The following OR2M3 variants were observed in gnomAD, a reference collection of about 807,000 sequenced individuals.
OR2M3 encodes the protein olfactory receptor family 2 subfamily M member 3.
Under a neutral mutation model 4.3 loss-of-function variants are expected in OR2M3, and 1 was observed. The observed-to-expected ratio is 0.23, with a 90% CI of 0.08 to 1.11. The LOEUF (loss-of-function observed/expected upper bound fraction) is 1.11. Ranked by LOEUF, OR2M3 falls within the 50% of genes most tolerant of loss-of-function variation. The pLI, the probability that OR2M3 is intolerant of heterozygous loss-of-function variation, is 0.54. For synonymous variants in OR2M3, 151 were observed against 139.4 expected, an observed-to-expected ratio of 1.08 and a Z score of -0.59; for missense variants, 410 against 390.4, an observed-to-expected ratio of 1.05 and a Z score of -0.42.
chr1:248,206,666 A>G lies in OR2M3; in HGVS notation c.*2660A>G, dbSNP rs1043011822. On this transcript the variant is annotated 3_prime_UTR_variant, in exon 2 of 2. Transcript: ENST00000641626. ...TCCCTGGTATGAAACTCACTTAATT[A>G]TGGGTGGATTAGCTTTTCGATATGC... 1.3e-4 allele frequency: 20 copies of G among 152,028 alleles called. No individual in the cohort carries two copies. Among genetic ancestry groups the G allele is most frequent in the African/African-American group, 4.8e-4 (20 of 41,386 alleles). 9.4% of individuals were successfully genotyped at this position (152,028 alleles called of 1,614,324 possible). A position where few individuals can be genotyped will look rare whatever the true frequency, so the allele number is the denominator to read the frequency against.
Position 248,204,894 on chromosome 1 carries a change from T to A in OR2M3, c.*888T>A, listed in dbSNP as rs1166291795. 1 of 152,068 alleles carries A rather than the reference T, an allele frequency of 6.6e-6. No individual in the cohort carries two copies. The highest frequency in any genetic ancestry group is 1.9e-4 in the East Asian group (1 of 5,200). The allele number at this position is 152,068 out of a possible 1,614,324, so 9.4% of individuals were successfully genotyped here. On this transcript the variant is annotated 3_prime_UTR_variant, in exon 2 of 2. Coordinates refer to ENST00000641626, the MANE Select transcript of OR2M3 (RefSeq NM_001004689.2). ...TTTACAGTGGTTGAACTAGTTTGCATTCCCACCAGCAGTGTAAAAGTTCCC... is the reference window on the plus strand; with the variant it reads ...TTTACAGTGGTTGAACTAGTTTGCAATCCCACCAGCAGTGTAAAAGTTCCC...
Position 248,204,739 on chromosome 1 carries a change from T to C in OR2M3, c.*733T>C, listed in dbSNP as rs1666206810. On this transcript the variant is annotated 3_prime_UTR_variant, in exon 2 of 2. Transcript: ENST00000641626. ...ATATTTTTGCAATTGCAAATTGTGC[T>C]GCTTTATACATGCATGTGCAGGTAT... 6.6e-6 allele frequency: 1 copy of C among 152,144 alleles called. No individual in the cohort carries two copies. The highest frequency in any genetic ancestry group is 2.4e-5 in the African/African-American group (1 of 41,428). 9.4% of individuals were successfully genotyped at this position (152,144 alleles called of 1,614,324 possible). A position where few individuals can be genotyped will look rare whatever the true frequency, so the allele number is the denominator to read the frequency against.
chr1:248,197,570 A>C (rs1666110217), intron 1 of OR2M3, among the ~76,000 whole-genome samples: 1 of 152,172 alleles, frequency 6.6e-6, no homozygotes. Context: ...ATGTCCTGGT[A>C]TTCCAGATTT....
rs112244041 is a variant in OR2M3, at chr1:248,210,487, C to T, written c.*6481C>T. 2,213 of 169,916 alleles carry T rather than the reference C, an allele frequency of 0.013. 50 individuals are homozygous for T. Among genetic ancestry groups the T allele is most frequent in the African/African-American group, 0.049 (2,058 of 41,860 alleles). The allele number at this position is 169,916 out of a possible 1,614,324, so 10.5% of individuals were successfully genotyped here. ...GCCATCATATCCCTTGTGACCTGCA[C>T]GTATACATCCAGATGGCCTGAAGCA... is the stretch of plus-strand genomic sequence containing the variant. On this transcript the variant is annotated 3_prime_UTR_variant, in exon 2 of 2. Coordinates refer to ENST00000641626, the MANE Select transcript of OR2M3 (RefSeq NM_001004689.2).
chr1:248,203,414 C>A lies in OR2M3; in HGVS notation c.347C>A (p.Ala116Asp). 6.2e-7 allele frequency: 1 copy of A among 1,614,030 alleles called. No individual in the cohort carries two copies. Among genetic ancestry groups the A allele is most frequent in the Non-Finnish European group, 8.5e-7 (1 of 1,179,988 alleles). Residue 116 changes from alanine to aspartate, a missense_variant, in exon 2 of 2, where the codon GCT becomes GAT. Ala to Asp is a moderately radical substitution (Grantham distance 126). Coordinates refer to ENST00000641626, the MANE Select transcript of OR2M3 (RefSeq NM_001004689.2). ...CTTGGCTCTGAGTGCTTTCTTTTGG[C>A]TGTTATGGCTTATGACCGCTACACT... ...SLLGSECFLL[A>D]VMAYDRYTAI...
At chr1:248,201,835 T>C (rs1298035989) in intron 1 of OR2M3, among the ~76,000 whole-genome samples, 2 of 152,092 alleles carry the variant, frequency 1.3e-5, no homozygotes, top group Non-Finnish European at 1.5e-5. Flanking sequence ...ATAACATAAA[T>C]TGTTTTATAT....
Position 248,203,074 on chromosome 1 carries a change from A to C in OR2M3, c.7A>C (p.Arg3=). The C allele has an allele frequency of 6.2e-7, 1 of 1,612,062 alleles. No homozygotes were observed. The highest frequency in any genetic ancestry group is 8.5e-7 in the Non-Finnish European group (1 of 1,178,944). The change falls in exon 2 of 2, where the codon AGG becomes CGG. Residue 3 remains arginine, a synonymous_variant. Coordinates refer to ENST00000641626, the MANE Select transcript of OR2M3 (RefSeq NM_001004689.2). The stretch of plus-strand genomic sequence containing the variant: ...GGTAAAAAGCATACACATCATGGCA[A>C]GGGAGAATTCGACCTTCAACTCCGA... MA[R]ENSTFNSDFI...
rs188901182 is a variant in OR2M3 at position 248,209,707 on chromosome 1, T to C, written c.*5701T>C. ...TGCTCCAGTCGATGTAGCAGGGGAG[T>C]GAAAGGAACTCTGCTAGGGTCTTTG... On this transcript the variant is annotated 3_prime_UTR_variant, in exon 2 of 2. Transcript: ENST00000641626. 4 of 152,182 alleles carry C rather than the reference T, an allele frequency of 2.6e-5. No homozygotes were observed. The highest frequency in any genetic ancestry group is 7.2e-5 in the African/African-American group (3 of 41,492). 9.4% of individuals were successfully genotyped at this position (152,182 alleles called of 1,614,324 possible). A position where few individuals can be genotyped will look rare whatever the true frequency, so the allele number is the denominator to read the frequency against.
chr1:248,208,013 G>A lies in OR2M3; in HGVS notation c.*4007G>A, dbSNP rs1666241825. The A allele has an allele frequency of 6.6e-6, 1 of 151,756 alleles. No individual in the cohort carries two copies. Among genetic ancestry groups the A allele is most frequent in the South Asian group, 2.1e-4 (1 of 4,810 alleles). The allele number at this position is 151,756 out of a possible 1,614,324, so 9.4% of individuals were successfully genotyped here. On this transcript the variant is annotated 3_prime_UTR_variant, in exon 2 of 2. Coordinates refer to ENST00000641626, the MANE Select transcript of OR2M3 (RefSeq NM_001004689.2). ...CCACTGTTATGTGCAAATATATTTTGGATTGTAATATTTTCCTGTTAGACT... is the reference window on the plus strand; with the variant it reads ...CCACTGTTATGTGCAAATATATTTTAGATTGTAATATTTTCCTGTTAGACT...
Position 248,204,825 on chromosome 1 carries a change from A to C in OR2M3, c.*819A>C, listed in dbSNP as rs1464013003. The C allele has an allele frequency of 6.6e-6, 1 of 151,926 alleles. No homozygotes were observed. The highest frequency in any genetic ancestry group is 2.4e-5 in the African/African-American group (1 of 41,306). The allele number at this position is 151,926 out of a possible 1,614,324, so 9.4% of individuals were successfully genotyped here. A position where few individuals can be genotyped will look rare whatever the true frequency, so the allele number is the denominator to read the frequency against. The stretch of plus-strand genomic sequence containing the variant: ...TTAGTAGTGGTATTGCTAGATCAAA[A>C]GGTAGATCCACTTTTAGTTCTTTAA... On this transcript the variant is annotated 3_prime_UTR_variant, in exon 2 of 2. Transcript: ENST00000641626.
intron 1 of OR2M3, among the ~76,000 whole-genome samples, chr1:248,201,655 C>T (rs1157802352): frequency 6.8e-6 from 1 of 147,390 alleles, no homozygotes; most frequent in Non-Finnish European, 1.5e-5. Flanking sequence ...TCCATGTGCT[C>T]TCATTATTCA....
At position 248,204,471 on chromosome 1, in the gene OR2M3, T is replaced by G. The variant is rs533173509; in HGVS notation, c.*465T>G. ...TGTCTCATAGTTTAGTTTCAACATA[T>G]GAATGTGAACGTATGATGTTTGGTT... is the stretch of plus-strand genomic sequence containing the variant. On this transcript the variant is annotated 3_prime_UTR_variant, in exon 2 of 2. Transcript: ENST00000641626. The G allele has an allele frequency of 6.5e-6, 1 of 154,458 alleles. No homozygotes were observed. Among genetic ancestry groups the G allele is most frequent in the South Asian group, 2.0e-4 (1 of 4,992 alleles). 9.6% of individuals were successfully genotyped at this position (154,458 alleles called of 1,614,324 possible).
Position 248,204,633 on chromosome 1 carries a change from G to GTA in OR2M3, c.*636_*637dup, listed in dbSNP as rs761907986. The GTA allele has an allele frequency of 6.8e-4, 101 of 148,432 alleles. No homozygotes were observed. Among genetic ancestry groups the GTA allele is most frequent in the Non-Finnish European group, 1.2e-3 (79 of 67,636 alleles). 9.2% of individuals were successfully genotyped at this position (148,432 alleles called of 1,614,324 possible). A position where few individuals can be genotyped will look rare whatever the true frequency, so the allele number is the denominator to read the frequency against. On this transcript the variant is annotated 3_prime_UTR_variant, in exon 2 of 2. Transcript: ENST00000641626. ...TGTATATAGATATATATATATATAC[G>GTA]TATATATATACACACACACATATAT...
rs149041201 is a variant in OR2M3, at chr1:248,203,972, T to C, written c.905T>C (p.Met302Thr). ...AACAAGGAGGTGACCAGAGCATTCA[T>C]GAAGATCTTAGGAAAGGGCAAGTCT... is the stretch of plus-strand genomic sequence containing the variant. Reference protein sequence around the residue: ...LRNKEVTRAFMKILGKGKSGE With the variant: ...LRNKEVTRAFTKILGKGKSGE The change falls in exon 2 of 2, where the codon ATG (methionine) becomes ACG (threonine). Residue 302 changes from methionine to threonine, a missense_variant. Met to Thr is a moderately conservative substitution (Grantham distance 81). Transcript: ENST00000641626. 547 of 1,613,926 alleles carry C rather than the reference T, an allele frequency of 3.4e-4. 2 individuals are homozygous for C. Among genetic ancestry groups the C allele is most frequent in the Middle Eastern group, 9.9e-4 (6 of 6,058 alleles).
At chr1:248,197,775 T>C (rs1004006064) in intron 1 of OR2M3, among the ~76,000 whole-genome samples, 3 of 152,164 alleles carry the variant, frequency 2.0e-5, no homozygotes, top group African/African-American at 7.2e-5. Context: ...TGACATGAGA[T>C]GGTGACACTT....
In OR2M3 at chr1:248,209,124, G is replaced by A. The variant is rs770472624; in HGVS notation, c.*5118G>A. ...TGGATTTTATTGGTGAGAATTTCCA[G>A]TGCATTTCACATTTCTCTAAGTGTG... On this transcript the variant is annotated 3_prime_UTR_variant, in exon 2 of 2. Coordinates refer to ENST00000641626, the MANE Select transcript of OR2M3 (RefSeq NM_001004689.2). The A allele has an allele frequency of 1.6e-4, 24 of 152,214 alleles. No individual in the cohort carries two copies. Among genetic ancestry groups the A allele is most frequent in the Non-Finnish European group, 3.4e-4 (23 of 68,028 alleles). 9.4% of individuals were successfully genotyped at this position (152,214 alleles called of 1,614,324 possible). A position where few individuals can be genotyped will look rare whatever the true frequency, so the allele number is the denominator to read the frequency against.
At chr1:248,202,781 C>T (rs1666172117) in intron 1 of OR2M3, among the ~76,000 whole-genome samples, 1 of 151,780 alleles carries the variant, frequency 6.6e-6, no homozygotes, top group South Asian at 2.1e-4. Flanking sequence ...AAAAAAAACT[C>T]CATCCATTAT....
intron 1 of OR2M3, among the ~76,000 whole-genome samples, chr1:248,201,969 A>G (rs890662381): frequency 6.6e-6 from 1 of 151,912 alleles, no homozygotes; most frequent in East Asian, 1.9e-4. Flanking sequence ...AGTGGATTTC[A>G]TGCTTTTCTG....
chr1:248,203,543 A>T lies in OR2M3; in HGVS notation c.476A>T (p.Asp159Val), dbSNP rs771865592. ...CTGGGCTCTACGGATGGAATTATTG[A>T]TGTTGTAGCAACATTTTCCTTCTCC... Reference protein sequence around the residue: ...WILGSTDGIIDVVATFSFSYC... With the variant: ...WILGSTDGIIVVVATFSFSYC... Residue 159 changes from aspartate to valine, a missense_variant, in exon 2 of 2, where the codon GAT becomes GTT. Physicochemically the swap from Asp to Val is radical, Grantham distance 152. Coordinates refer to ENST00000641626, the MANE Select transcript of OR2M3 (RefSeq NM_001004689.2). The T allele has an allele frequency of 2.5e-6, 4 of 1,613,608 alleles. No homozygotes were observed. In the South Asian group the frequency reaches 4.4e-5, roughly 18 times the overall value.
Sources: gnomAD v4.1 joint callset for allele counts (sites outside exome capture counted in the v4.1 genomes callset) on GRCh38, gnomAD v4.1.1 for gene constraint, MANE v1.5 for transcripts, NCBI Gene and HGNC (gene_info 2026-07-23, HGNC 2026-07-21) for gene names.